The following MALRD1 variants were observed in gnomAD, a reference collection of about 807,000 sequenced individuals.
The protein encoded by MALRD1 is MAM and LDL receptor class A domain containing 1.
In MALRD1, 247 loss-of-function variants were observed where a neutral mutation model predicts 242.1. That is an observed-to-expected ratio of 1.02 (90% CI 0.92 to 1.13). The LOEUF is 1.13. Ranked by LOEUF, MALRD1 falls within the 50% of genes most tolerant of loss-of-function variation. The pLI, the probability that MALRD1 is intolerant of heterozygous loss-of-function variation, is 0.00. For missense variants in MALRD1, 2,989 were observed against 2,533.1 expected, an observed-to-expected ratio of 1.18 and a Z score of -3.86; for synonymous variants, 995 against 866.6, an observed-to-expected ratio of 1.15 and a Z score of -2.60.
At chr10:19,660,535 A>G (rs1243354127) in intron 36 of MALRD1, among the ~76,000 whole-genome samples, 2 of 152,150 alleles carry the variant, frequency 1.3e-5, no homozygotes, top group Non-Finnish European at 2.9e-5. Context: ...ATCAGGCACC[A>G]TGTTAAAATG....
At chr10:19,496,248 C>T (rs962009881) in intron 30 of MALRD1, among the ~76,000 whole-genome samples, 1 of 152,148 alleles carries the variant, frequency 6.6e-6, no homozygotes, top group Non-Finnish European at 1.5e-5. Flanking sequence ...ACACCCTACC[C>T]CCAAACCACA....
Position 19,237,983 on chromosome 10 carries a change from A to ATGAATAATTTTATACAGTTATATATAAT in MALRD1, c.2992-19700_2992-19699insGAATAATTTTATACAGTTATATATAATT, listed in dbSNP as rs1564491379. Among the ~76,000 whole-genome samples, 19 of 64,016 alleles carry ATGAATAATTTTATACAGTTATATATAAT rather than the reference A, an allele frequency of 3.0e-4. 1 individual carries two copies. Among genetic ancestry groups the ATGAATAATTTTATACAGTTATATATAAT allele is most frequent in the Admixed American group, 4.8e-4 (2 of 4,164 alleles). 42.0% of individuals were successfully genotyped at this position (64,016 alleles called of 152,430 possible). On this transcript the variant is annotated intron_variant, in intron 18 of 39. Coordinates refer to ENST00000454679, the MANE Select transcript of MALRD1 (RefSeq NM_001142308.3). ...TAATTTTATACAGTTATATATAATT[A>ATGAATAATTTTATACAGTTATATATAAT]TATGTAATTTTATACAGTTATATAT...
intron 38 of MALRD1, among the ~76,000 whole-genome samples, chr10:19,727,875 T>C (rs1835107195): frequency 6.6e-6 from 1 of 151,932 alleles, no homozygotes; most frequent in African/African-American, 2.4e-5. Context: ...CATGTAAGGA[T>C]CCACCATTTT....
chr10:19,432,960 A>G (rs1047202318), intron 28 of MALRD1, among the ~76,000 whole-genome samples: 1 of 152,104 alleles, frequency 6.6e-6, no homozygotes, highest in African/African-American at 2.4e-5. Flanking sequence ...CACACTCATT[A>G]TCTCTTACGT....
chr10:19,284,781 T>A, intron 21 of MALRD1, among the ~76,000 whole-genome samples: 1 of 60,378 alleles, frequency 1.7e-5, no homozygotes. Flanking sequence ...ATGGGATGGC[T>A]GGGTCAAATG....
At chr10:19,662,881 C>G (rs1253181256) in intron 36 of MALRD1, among the ~76,000 whole-genome samples, 2 of 151,964 alleles carry the variant, frequency 1.3e-5, no homozygotes, top group African/African-American at 4.8e-5. Context: ...TAGAAAAAGC[C>G]AAGGTAAAAA....
chr10:19,590,921 A>G (rs1005174648), intron 33 of MALRD1, among the ~76,000 whole-genome samples: 7 of 152,158 alleles, frequency 4.6e-5, no homozygotes, highest in African/African-American at 1.2e-4. Flanking sequence ...CATAGTATAC[A>G]TTAAGTTTCA....
At chr10:19,514,612 A>C (rs1833548473) in intron 31 of MALRD1, among the ~76,000 whole-genome samples, 1 of 152,194 alleles carries the variant, frequency 6.6e-6, no homozygotes, top group Non-Finnish European at 1.5e-5. Flanking sequence ...AACTAGAGTG[A>C]TAATTAAAAT....
chr10:19,541,006 T>G (rs1045094642), intron 32 of MALRD1, among the ~76,000 whole-genome samples: 2 of 152,156 alleles, frequency 1.3e-5, no homozygotes, highest in African/African-American at 4.8e-5. Context: ...TGGGTACTAG[T>G]TTGTATAACA....
At chr10:19,232,198 TG>T (rs1307669476) in intron 18 of MALRD1, among the ~76,000 whole-genome samples, 1 of 152,056 alleles carries the variant, frequency 6.6e-6, no homozygotes, top group Non-Finnish European at 1.5e-5. Flanking sequence ...AGAATTTTTT[TG>T]TTTGTTGTTT....
chr10:19,726,427 A>G (rs1835029393), intron 38 of MALRD1, among the ~76,000 whole-genome samples: 1 of 152,154 alleles, frequency 6.6e-6, no homozygotes. Flanking sequence ...CAATAATAAT[A>G]ATAATTTAAA....
chr10:19,595,172 C>G (rs1363983226), intron 33 of MALRD1, 22 bp from the exon 34 acceptor site: 64 of 1,536,522 alleles, frequency 4.2e-5, no homozygotes, highest in Non-Finnish European at 5.3e-5. Context: ...GCCAAAATAA[C>G]TTGACTTGCT....
chr10:19,563,157 C>A (rs1213909851), intron 32 of MALRD1, among the ~76,000 whole-genome samples: 1 of 152,070 alleles, frequency 6.6e-6, no homozygotes, highest in African/African-American at 2.4e-5. Flanking sequence ...AATTCTGAAG[C>A]TATAGAGGGC....
intron 31 of MALRD1, among the ~76,000 whole-genome samples, chr10:19,522,825 G>A (rs7921915): frequency 6.6e-6 from 1 of 151,908 alleles, no homozygotes; most frequent in Non-Finnish European, 1.5e-5. Flanking sequence ...ACTCAGAGCT[G>A]GTCTTTAAAA....
At chr10:19,661,883 C>T (rs1841456939) in intron 36 of MALRD1, among the ~76,000 whole-genome samples, 1 of 151,996 alleles carries the variant, frequency 6.6e-6, no homozygotes, top group African/African-American at 2.4e-5. Context: ...GGAAAACAGC[C>T]TTAACTGCTA....
intron 36 of MALRD1, among the ~76,000 whole-genome samples, chr10:19,677,130 G>A (rs960055445): frequency 2.0e-5 from 3 of 152,054 alleles, no homozygotes; most frequent in Non-Finnish European, 2.9e-5. Context: ...GAACATATGT[G>A]AGCCCGTATC....
chr10:19,317,697 T>G (rs544630233), intron 21 of MALRD1, among the ~76,000 whole-genome samples: 1 of 151,976 alleles, frequency 6.6e-6, no homozygotes, highest in Admixed American at 6.6e-5. Flanking sequence ...TTCCTACTTA[T>G]TGAATTAGAG....
At chr10:19,263,266 A>G (rs1839832952) in intron 19 of MALRD1, among the ~76,000 whole-genome samples, 1 of 152,222 alleles carries the variant, frequency 6.6e-6, no homozygotes, top group African/African-American at 2.4e-5. Flanking sequence ...ACCAACGGGT[A>G]TAAGTGTTCC....
At chr10:19,522,396 C>T (rs1370696361) in intron 31 of MALRD1, among the ~76,000 whole-genome samples, 1 of 152,098 alleles carries the variant, frequency 6.6e-6, no homozygotes, top group African/African-American at 2.4e-5. Flanking sequence ...GTTTACCTGA[C>T]TAGGACTAAG....
Sources: gnomAD v4.1 joint callset for allele counts (sites outside exome capture counted in the v4.1 genomes callset) on GRCh38, gnomAD v4.1.1 for gene constraint, MANE v1.5 for transcripts, NCBI Gene and HGNC (gene_info 2026-07-23, HGNC 2026-07-21) for gene names.